SUMF1: variants seen among roughly 807,000 people sequenced by gnomAD.
The protein encoded by SUMF1 is sulfatase modifying factor 1.
SUMF1 carries 48 observed loss-of-function variants against 47.6 expected under a neutral mutation model. That is an observed-to-expected ratio of 1.01 (90% CI 0.80 to 1.28). The LOEUF is 1.28. SUMF1 is among the 50% of genes most tolerant of loss of function. The probability of loss-of-function intolerance (pLI) is 0.00; values close to 1 mark genes in which losing one functional copy is unlikely to be tolerated. For missense variants in SUMF1, 571 were observed against 485.4 expected (o/e 1.18, Z -1.66); for synonymous variants, 230 against 192.1 (o/e 1.20, Z -1.63).
intron 8 of SUMF1, among the ~76,000 whole-genome samples, chr3:4,299,799 G>A (rs1697926721): frequency 6.6e-6 from 1 of 152,084 alleles, no homozygotes. Context: ...GACAGAGTGA[G>A]ACTCCACCTC....
chr3:4,091,126 G>A (rs186059583), intron 8 of SUMF1, among the ~76,000 whole-genome samples: 79 of 151,812 alleles, frequency 5.2e-4, no homozygotes, highest in African/African-American at 1.8e-3. Context: ...ACACATTTTG[G>A]GTCTTTAAGT....
Position 4,376,527 on chromosome 3 carries a change from T to C in SUMF1, c.955-138A>G, listed in dbSNP as rs949509578. On this transcript the variant is annotated intron_variant, in intron 7 of 8. Coordinates refer to ENST00000272902, the MANE Select transcript of SUMF1 (RefSeq NM_182760.4). ...CACATGCATTTCCACCCCTAGGCTT[T>C]GTATCTGTATTCGTGGGCTCTCCCA... The C allele has an allele frequency of 6.4e-5, 56 of 878,800 alleles. No individual in the cohort carries two copies. The African/African-American group carries it at 6.9e-4, about 11-fold the overall frequency. 54.4% of individuals were successfully genotyped at this position (878,800 alleles called of 1,614,324 possible).
rs199573457 is a variant in SUMF1, at chr3:4,252,603, C to CAG, written c.1014+123725_1014+123726dup. Among the ~76,000 whole-genome samples, 491 of 152,228 alleles carry CAG rather than the reference C, an allele frequency of 3.2e-3. 3 individuals are homozygous for CAG. The highest frequency in any genetic ancestry group is 0.011 in the African/African-American group (473 of 41,528). The stretch of plus-strand genomic sequence containing the variant: ...ACACGTACAATGAACTTAAAGGTCT[C>CAG]AGAGAGAGAACAAAAAACTAGGAAA... On this transcript the variant is annotated intron_variant and NMD_transcript_variant, in intron 8 of 12. Transcript: ENST00000448413.
chr3:4,182,140 G>T (rs2125134566), intron 8 of SUMF1, among the ~76,000 whole-genome samples: 1 of 152,202 alleles, frequency 6.6e-6, no homozygotes, highest in African/African-American at 2.4e-5. Flanking sequence ...GGTCTTCAGA[G>T]CTTTATAAGT....
At chr3:4,069,083 C>G (rs1469243071) in intron 8 of SUMF1, among the ~76,000 whole-genome samples, 1 of 152,166 alleles carries the variant, frequency 6.6e-6, no homozygotes, top group Non-Finnish European at 1.5e-5. Context: ...TCAGCAGGGC[C>G]AACCGTGCAT....
chr3:4,080,934 C>T (rs1006749338), intron 8 of SUMF1, among the ~76,000 whole-genome samples: 26 of 152,056 alleles, frequency 1.7e-4, no homozygotes, highest in African/African-American at 5.8e-4. Flanking sequence ...AGCTGGTGAC[C>T]ATGAGCAAGT....
At position 4,091,097 on chromosome 3, in the gene SUMF1, A is replaced by AAC. The variant is rs72567172; in HGVS notation, c.1015-22353_1015-22352insGT. On this transcript the variant is annotated intron_variant and NMD_transcript_variant, in intron 8 of 12. Transcript: ENST00000448413. ...CTCCATAAAAAACAACAACAACAAC[A>AAC]AAAAAAAAAACAAAAAACACACATT... is the stretch of plus-strand genomic sequence containing the variant. 2.0e-4 allele frequency among the ~76,000 whole-genome samples: 23 copies of AAC among 117,378 alleles called. 1 individual carries two copies. The highest frequency in any genetic ancestry group is 9.1e-4 in the African/African-American group (20 of 21,936). 77.0% of individuals were successfully genotyped at this position (117,378 alleles called of 152,430 possible).
intron 7 of SUMF1, among the ~76,000 whole-genome samples, chr3:4,391,805 A>G (rs905063411): frequency 2.0e-5 from 3 of 150,282 alleles, no homozygotes; most frequent in East Asian, 3.9e-4. Context: ...TGGTTTGGAT[A>G]ATTCCTTTTT....
chr3:4,057,444 A>C (rs1695211652), intron 9 of SUMF1, among the ~76,000 whole-genome samples: 1 of 152,148 alleles, frequency 6.6e-6, no homozygotes, highest in Non-Finnish European at 1.5e-5. Context: ...ACATGGGTAA[A>C]TCGAAAACCA....
chr3:4,070,108 G>T (rs1027809306), intron 8 of SUMF1, among the ~76,000 whole-genome samples: 2 of 152,106 alleles, frequency 1.3e-5, no homozygotes, highest in Non-Finnish European at 2.9e-5. Flanking sequence ...TAAACTCAAC[G>T]AATTATGACC....
At chr3:4,091,647 T>C (rs1190656759) in intron 8 of SUMF1, among the ~76,000 whole-genome samples, 1 of 152,152 alleles carries the variant, frequency 6.6e-6, no homozygotes, top group Non-Finnish European at 1.5e-5. Context: ...AATTCATTTT[T>C]ATTGCAATCA....
At chr3:4,434,067 G>A (rs535050732) in intron 3 of SUMF1, among the ~76,000 whole-genome samples, 40 of 152,224 alleles carry the variant, frequency 2.6e-4, no homozygotes, top group Non-Finnish European at 5.3e-4. Flanking sequence ...ACTTACGTGA[G>A]GTACTTAGAA....
chr3:4,340,127 A>G (rs995318586), intron 8 of SUMF1, among the ~76,000 whole-genome samples: 2 of 151,730 alleles, frequency 1.3e-5, no homozygotes, highest in Non-Finnish European at 2.9e-5. Flanking sequence ...ACACACACAA[A>G]CACACACACG....
intron 8 of SUMF1, among the ~76,000 whole-genome samples, chr3:4,252,107 C>T (rs188236674): frequency 1.6e-4 from 24 of 152,264 alleles, no homozygotes; most frequent in African/African-American, 5.8e-4. Flanking sequence ...CCTCACCCCA[C>T]TGACCTAAGT....
intron 8 of SUMF1, among the ~76,000 whole-genome samples, chr3:4,165,178 G>T (rs374297887): frequency 2.0e-5 from 3 of 152,012 alleles, no homozygotes; most frequent in Admixed American, 1.3e-4. Flanking sequence ...AGCTAAAGCC[G>T]CATTCTTTTC....
intron 3 of SUMF1, among the ~76,000 whole-genome samples, chr3:4,420,366 A>G (rs1180360236): frequency 1.3e-5 from 2 of 151,650 alleles, no homozygotes; most frequent in East Asian, 1.9e-4. Context: ...AAACAAATAC[A>G]TATGTATTTA....
rs115839885 is a variant in SUMF1 at position 4,064,024 on chromosome 3, C to T, written c.1191+4545G>A. On this transcript the variant is annotated intron_variant and NMD_transcript_variant, in intron 9 of 12. Transcript: ENST00000448413. Reference sequence around the variant, plus strand: ...TAGCACTGCTTGACAGAGAAGGAAACTGAGGGTGAGATAATGGCCCTGTCA... The same window carrying T: ...TAGCACTGCTTGACAGAGAAGGAAATTGAGGGTGAGATAATGGCCCTGTCA... 4.9e-3 allele frequency among the ~76,000 whole-genome samples: 740 copies of T among 152,176 alleles called. 7 individuals are homozygous for T. Among genetic ancestry groups the T allele is most frequent in the African/African-American group, 0.017 (709 of 41,532 alleles).
chr3:4,263,007 CTCT>C (rs1453403049), intron 8 of SUMF1, among the ~76,000 whole-genome samples: 2 of 152,138 alleles, frequency 1.3e-5, no homozygotes, highest in Non-Finnish European at 2.9e-5. Flanking sequence ...GTGTTTTCTC[CTCT>C]GTTTCCAAAC....
chr3:4,133,248 G>T (rs1411506012), intron 8 of SUMF1, among the ~76,000 whole-genome samples: 1 of 152,110 alleles, frequency 6.6e-6, no homozygotes, highest in Non-Finnish European at 1.5e-5. Context: ...CAGCATTTAA[G>T]AATTGTTAAC....
Sources: gnomAD v4.1 joint callset for allele counts (sites outside exome capture counted in the v4.1 genomes callset) on GRCh38, gnomAD v4.1.1 for gene constraint, MANE v1.5 for transcripts, NCBI Gene and HGNC (gene_info 2026-07-23, HGNC 2026-07-21) for gene names.